The following OXR1 variants were observed in gnomAD, a reference collection of about 807,000 sequenced individuals.
The protein encoded by OXR1 is oxidation resistance 1, also known as oxidation resistance protein 1.
Under a neutral mutation model 104.6 loss-of-function variants are expected in OXR1, and 41 were observed. That is an observed-to-expected ratio of 0.39 (90% CI 0.31 to 0.51). The LOEUF (loss-of-function observed/expected upper bound fraction) is 0.51. Ranked by LOEUF, OXR1 falls within the 20% of genes least tolerant of loss-of-function variation. The pLI, the probability that OXR1 is intolerant of heterozygous loss-of-function variation, is 0.77. For missense variants in OXR1, 955 were observed against 1,031.9 expected (o/e 0.93, Z 1.02); for synonymous variants, 348 against 348.4 (o/e 1.00, Z 0.01).
intron 1 of OXR1, among the ~76,000 whole-genome samples, chr8:106,318,405 C>T (rs1276593263): frequency 1.3e-5 from 2 of 152,162 alleles, no homozygotes; most frequent in East Asian, 1.9e-4. Flanking sequence ...TTGGCATCTC[C>T]TCAGAGCCTC....
At chr8:106,725,093 A>T (rs1357007711) in intron 11 of OXR1, among the ~76,000 whole-genome samples, 1 of 152,074 alleles carries the variant, frequency 6.6e-6, no homozygotes, top group Admixed American at 6.6e-5. Flanking sequence ...GAAGATAATG[A>T]TGGTGTTCCT....
intron 2 of OXR1, among the ~76,000 whole-genome samples, chr8:106,368,452 G>T (rs1816571318): frequency 6.6e-6 from 1 of 151,580 alleles, no homozygotes; most frequent in African/African-American, 2.4e-5. Flanking sequence ...TTAAAAAAAT[G>T]GGATATATGT....
intron 1 of OXR1, chr8:106,272,986 G>T (rs956615994): frequency 6.6e-6 from 1 of 152,108 alleles, no homozygotes; most frequent in Non-Finnish European, 1.5e-5. Context: ...GCAGAGATTA[G>T]GTCCGGGTAG....
chr8:106,626,343 A>AG (rs1318808813), intron 3 of OXR1, among the ~76,000 whole-genome samples: 1 of 151,840 alleles, frequency 6.6e-6, no homozygotes, highest in Non-Finnish European at 1.5e-5. Flanking sequence ...CTAAAAAAAA[A>AG]AAGTCTTTCC....
Position 106,353,084 on chromosome 8 carries a change from C to T in OXR1, c.-138-6392C>T, listed in dbSNP as rs117412215. ...ACTATGGGCTAGGCATGGTGGCTCA[C>T]GCCTATAATCCCAGCACTATGGGAG... On this transcript the variant is annotated intron_variant, in intron 1 of 16. Coordinates refer to ENST00000517566, the MANE Select transcript of OXR1 (RefSeq NM_001198533.2). Among the ~76,000 whole-genome samples the T allele has an allele frequency of 3.7e-3, 557 of 152,280 alleles. 7 individuals carry two copies. The East Asian group carries it at 0.044, about 12-fold the overall frequency.
rs1587103132 is a variant in OXR1, at chr8:106,690,546, C to T, written c.526-2182C>T. On this transcript the variant is annotated intron_variant, in intron 6 of 16. Transcript: ENST00000517566. ...GAAGAAATCCCTGTATTTTTAACAT[C>T]ACAAGAAATGGGTAAATTACTAGAT... 2.0e-5 allele frequency among the ~76,000 whole-genome samples: 3 copies of T among 148,130 alleles called. No individual in the cohort carries two copies. The South Asian group carries it at 6.3e-4, about 31-fold the overall frequency.
chr8:106,742,127 A>G, intron 14 of OXR1, 95 bp from the exon 15 acceptor site: 2 of 741,940 alleles, frequency 2.7e-6, no homozygotes, highest in South Asian at 1.7e-5. Flanking sequence ...CCAGATTTCT[A>G]TTTTTTGCAT....
At chr8:106,482,417 G>GT (rs1554580849) in intron 2 of OXR1, among the ~76,000 whole-genome samples, 1 of 145,052 alleles carries the variant, frequency 6.9e-6, no homozygotes, top group Non-Finnish European at 1.5e-5. Context: ...GGAACTGGGG[G>GT]AAAAAAAAAA....
chr8:106,388,862 T>C (rs952899077), intron 2 of OXR1, among the ~76,000 whole-genome samples: 12 of 152,196 alleles, frequency 7.9e-5, no homozygotes, highest in Admixed American at 2.0e-4. Flanking sequence ...TAGTATAAAA[T>C]TATTTGAGCT....
rs1037913477 is a variant in OXR1 at position 106,697,839 on chromosome 8, A to G, written c.675+4962A>G. 31 of 1,612,360 alleles carry G rather than the reference A, an allele frequency of 1.9e-5. No homozygotes were observed. In the African/African-American group the frequency reaches 3.6e-4, roughly 19 times the overall value. On this transcript the variant is annotated intron_variant, in intron 7 of 16. Transcript: ENST00000517566. ...TATTGAGCTCACATAACACCGTGCC[A>G]TCCTTGAGCCAGTTCTGGAAGTTCT...
Position 106,740,594 on chromosome 8 carries a change from T to C in OXR1, c.2316+99T>C. 4.0e-6 allele frequency: 4 copies of C among 1,007,532 alleles called. No homozygotes were observed. The South Asian group carries it at 6.3e-5, about 16-fold the overall frequency. 62.4% of individuals were successfully genotyped at this position (1,007,532 alleles called of 1,614,324 possible). On this transcript the variant is annotated intron_variant, in intron 14 of 16. Coordinates refer to ENST00000517566, the MANE Select transcript of OXR1 (RefSeq NM_001198533.2). ...TAAACATTACTTTATTAGTGCATTTTATTGTTTAACTGATAATTACTGGGT... is the reference window on the plus strand; with the variant it reads ...TAAACATTACTTTATTAGTGCATTTCATTGTTTAACTGATAATTACTGGGT...
At chr8:106,402,019 T>C (rs2130477731) in intron 2 of OXR1, among the ~76,000 whole-genome samples, 1 of 152,310 alleles carries the variant, frequency 6.6e-6, no homozygotes, top group African/African-American at 2.4e-5. Flanking sequence ...CTGGTAGGCC[T>C]TATTGACAGG....
At chr8:106,527,575 C>T (rs980721848) in intron 3 of OXR1, among the ~76,000 whole-genome samples, 2 of 152,170 alleles carry the variant, frequency 1.3e-5, no homozygotes, top group Non-Finnish European at 2.9e-5. Flanking sequence ...GTGATACCTC[C>T]GCCTCTTTTA....
chr8:106,454,437 G>A (rs1820489814), intron 2 of OXR1, among the ~76,000 whole-genome samples: 1 of 149,856 alleles, frequency 6.7e-6, no homozygotes, highest in African/African-American at 2.5e-5. Flanking sequence ...CTCCAGCCTG[G>A]GAGACAGAGT....
At chr8:106,527,013 G>A (rs1813738011) in intron 3 of OXR1, among the ~76,000 whole-genome samples, 1 of 152,160 alleles carries the variant, frequency 6.6e-6, no homozygotes, top group African/African-American at 2.4e-5. Context: ...AATCAATGGT[G>A]AGGAACTTGG....
intron 1 of OXR1, among the ~76,000 whole-genome samples, chr8:106,315,127 C>T (rs1380520330): frequency 6.6e-6 from 1 of 151,498 alleles, no homozygotes; most frequent in Non-Finnish European, 1.5e-5. Context: ...TTCCATTTCT[C>T]CACTTACTAG....
chr8:106,429,216 T>C (rs1819260737), intron 2 of OXR1, among the ~76,000 whole-genome samples: 1 of 152,066 alleles, frequency 6.6e-6, no homozygotes, highest in South Asian at 2.1e-4. Context: ...GTGGCTGCTC[T>C]GAGTTGGCCC....
Position 106,740,474 on chromosome 8 carries a change from G to A in OXR1, c.2295G>A (p.Val765=), listed in dbSNP as rs142390505. ...MTGLDTPVLM[V]IKDSDGQVFG... ...GTTTAGACACCCCAGTGCTGATGGT[G>A]ATTAAAGACAGTGATGGACAGGTAT... The change falls in exon 14 of 17, where the codon GTG becomes GTA. Residue 765 remains valine (V), a synonymous_variant. Transcript: ENST00000517566. The A allele has an allele frequency of 6.2e-7, 1 of 1,611,984 alleles. No homozygotes were observed. Among genetic ancestry groups the A allele is most frequent in the Non-Finnish European group, 8.5e-7 (1 of 1,178,950 alleles).
intron 2 of OXR1, among the ~76,000 whole-genome samples, chr8:106,431,944 G>A (rs1323061257): frequency 6.6e-6 from 1 of 152,122 alleles, no homozygotes; most frequent in Non-Finnish European, 1.5e-5. Context: ...AAATATTAGA[G>A]TTGGAGGTTG....
Sources: allele counts gnomAD v4.1 joint callset (sites outside exome capture counted in the v4.1 genomes callset), GRCh38; gene constraint gnomAD v4.1.1; transcripts MANE v1.5; gene names NCBI Gene and HGNC (gene_info 2026-07-23, HGNC 2026-07-21).